The following GBE1 variants were observed in gnomAD, a reference collection of about 807,000 sequenced individuals.
GBE1 encodes the protein 1,4-alpha-glucan-branching enzyme.
Under a neutral mutation model 88.8 loss-of-function variants are expected in GBE1, and 70 were observed. The observed-to-expected ratio is 0.79, with a 90% CI of 0.65 to 0.96. The LOEUF (loss-of-function observed/expected upper bound fraction) is 0.96, where lower values mean the gene tolerates loss of function less well. GBE1 is among the 40% of genes least tolerant of loss of function. GBE1 has a pLI of 0.00. For missense variants in GBE1, 872 were observed against 871.0 expected (o/e 1.00, Z -0.01); for synonymous variants, 284 against 300.1 (o/e 0.95, Z 0.56).
intron 14 of GBE1, among the ~76,000 whole-genome samples, chr3:81,505,910 T>C (rs1435424436): frequency 6.6e-6 from 1 of 152,042 alleles, no homozygotes; most frequent in Non-Finnish European, 1.5e-5. Flanking sequence ...CCTTACACCA[T>C]ATACAAAAAT....
At chr3:81,711,874 C>T (rs1276128305) in intron 1 of GBE1, among the ~76,000 whole-genome samples, 1 of 152,024 alleles carries the variant, frequency 6.6e-6, no homozygotes, top group Non-Finnish European at 1.5e-5. Context: ...AGACAACCTA[C>T]AGAATGGGAG....
At chr3:81,568,568 T>G (rs572207975) in intron 12 of GBE1, among the ~76,000 whole-genome samples, 1 of 152,206 alleles carries the variant, frequency 6.6e-6, no homozygotes, top group Non-Finnish European at 1.5e-5. Flanking sequence ...CTGACCACTT[T>G]GCATGTCAAG....
intron 2 of GBE1, among the ~76,000 whole-genome samples, chr3:81,700,612 CAT>C (rs1705673126): frequency 6.6e-6 from 1 of 151,992 alleles, no homozygotes; most frequent in African/African-American, 2.4e-5. Context: ...CCACAGAGCA[CAT>C]GTTGAGTAGC....
Position 81,761,588 on chromosome 3 carries a change from CT to C in GBE1, c.-72del. The C allele has an allele frequency of 6.6e-7, 1 of 1,520,334 alleles. No individual in the cohort carries two copies. The highest frequency in any genetic ancestry group is 2.5e-5 in the East Asian group (1 of 39,928). The allele number at this position is 1,520,334 out of a possible 1,614,324, so 94.2% of individuals were successfully genotyped here. A position where few individuals can be genotyped will look rare whatever the true frequency, so the allele number is the denominator to read the frequency against. ...GCCTGAGCGGGCGCTGGAGCTCTAG[CT>C]GGGACGCGGCGGCTAGGGCGGAGCC... On this transcript the variant is annotated 5_prime_UTR_variant, in exon 1 of 16. Coordinates refer to ENST00000429644, the MANE Select transcript of GBE1 (RefSeq NM_000158.4).
chr3:81,674,768 T>C (rs1705230695), intron 2 of GBE1, among the ~76,000 whole-genome samples: 1 of 151,958 alleles, frequency 6.6e-6, no homozygotes, highest in South Asian at 2.1e-4. Context: ...CAAACTTTTT[T>C]TCATTTAATC....
intron 3 of GBE1, among the ~76,000 whole-genome samples, chr3:81,658,169 T>C (rs1704969444): frequency 6.6e-6 from 1 of 152,112 alleles, no homozygotes; most frequent in Non-Finnish European, 1.5e-5. Flanking sequence ...TAGCAACAGC[T>C]TGAATAGGAC....
chr3:81,527,559 T>C (rs1464042316), intron 14 of GBE1, among the ~76,000 whole-genome samples: 11 of 152,104 alleles, frequency 7.2e-5, no homozygotes, highest in Admixed American at 2.6e-4. Context: ...GGGCGAAGGA[T>C]ATGAACAGAC....
At chr3:81,624,346 G>A (rs1452191267) in intron 7 of GBE1, among the ~76,000 whole-genome samples, 2 of 152,162 alleles carry the variant, frequency 1.3e-5, no homozygotes, top group Non-Finnish European at 2.9e-5. Context: ...TTCAAGATGA[G>A]ATCTGGGTGA....
chr3:81,593,118 T>A (rs1015282713), intron 8 of GBE1, among the ~76,000 whole-genome samples: 10 of 152,024 alleles, frequency 6.6e-5, no homozygotes, highest in Admixed American at 5.2e-4. Flanking sequence ...ATCCCAGCAC[T>A]TTGGGAGGCC....
intron 1 of GBE1, among the ~76,000 whole-genome samples, chr3:81,722,234 T>C (rs1706044289): frequency 6.6e-6 from 1 of 152,108 alleles, no homozygotes; most frequent in Non-Finnish European, 1.5e-5. Context: ...ACATTTAATA[T>C]TGAAGTGTTG....
Position 81,503,445 on chromosome 3 carries a change from C to G in GBE1, c.1935-4218G>C, listed in dbSNP as rs535519711. On this transcript the variant is annotated intron_variant, in intron 14 of 15. Coordinates refer to ENST00000429644, the MANE Select transcript of GBE1 (RefSeq NM_000158.4). ...TATCACAATAAAAAAAAAATTAACC[C>G]GGAGGTTGTAAACAGTATAAAACAG... Among the ~76,000 whole-genome samples the G allele has an allele frequency of 2.0e-5, 3 of 152,100 alleles. No individual in the cohort carries two copies. The South Asian group carries it at 6.2e-4, about 32-fold the overall frequency.
intron 5 of GBE1, among the ~76,000 whole-genome samples, chr3:81,646,727 T>C (rs910241900): frequency 1.3e-5 from 2 of 152,192 alleles, no homozygotes; most frequent in Non-Finnish European, 2.9e-5. Context: ...CAATAAATAA[T>C]ATGCAAATTT....
intron 12 of GBE1, among the ~76,000 whole-genome samples, chr3:81,541,265 GC>G (rs1258455076): frequency 6.6e-6 from 1 of 151,662 alleles, no homozygotes; most frequent in Non-Finnish European, 1.5e-5. Context: ...CTAAGTAACT[GC>G]TCCCCAGGAA....
At chr3:81,534,107 G>T (rs1189326721) in intron 14 of GBE1, among the ~76,000 whole-genome samples, 1 of 152,000 alleles carries the variant, frequency 6.6e-6, no homozygotes, top group Non-Finnish European at 1.5e-5. Context: ...ACCTTGCTCA[G>T]GTGGCAGATG....
chr3:81,567,014 G>T (rs1404841894), intron 12 of GBE1, among the ~76,000 whole-genome samples: 1 of 152,020 alleles, frequency 6.6e-6, no homozygotes, highest in Non-Finnish European at 1.5e-5. Context: ...TTATTTATCT[G>T]CTGCCTTTAT....
intron 2 of GBE1, among the ~76,000 whole-genome samples, chr3:81,688,764 C>T (rs1465662441): frequency 1.3e-5 from 2 of 151,682 alleles, no homozygotes; most frequent in African/African-American, 4.8e-5. Context: ...ACATGAATGA[C>T]ATGAATGTAT....
At chr3:81,494,109 G>A (rs1459802276) in intron 15 of GBE1, among the ~76,000 whole-genome samples, 4 of 152,084 alleles carry the variant, frequency 2.6e-5, no homozygotes, top group Non-Finnish European at 4.4e-5. Context: ...TCACTGCAGT[G>A]TTAATTACCA....
chr3:81,520,859 AT>A (rs1030009088), intron 14 of GBE1, among the ~76,000 whole-genome samples: 1 of 151,352 alleles, frequency 6.6e-6, no homozygotes, highest in Non-Finnish European at 1.5e-5. Flanking sequence ...TTGTTTCTTG[AT>A]TTTTTTCCTA....
chr3:81,583,353 G>T (rs943905230), intron 10 of GBE1, among the ~76,000 whole-genome samples: 7 of 152,108 alleles, frequency 4.6e-5, no homozygotes, highest in Non-Finnish European at 1.0e-4. Context: ...GTATGGTTCA[G>T]TAATTGTAGT....
Sources: gnomAD v4.1 joint callset for allele counts (sites outside exome capture counted in the v4.1 genomes callset) on GRCh38, gnomAD v4.1.1 for gene constraint, MANE v1.5 for transcripts, NCBI Gene and HGNC (gene_info 2026-07-23, HGNC 2026-07-21) for gene names.